Variants in PDZRN4 observed in about 807,000 individuals in gnomAD.
The protein encoded by PDZRN4 is PDZ domain containing ring finger 4.
Under a neutral mutation model 99.0 loss-of-function variants are expected in PDZRN4, and 70 were observed. The ratio of observed to expected loss-of-function variants is 0.71; its 90% CI spans 0.58 to 0.86. The LOEUF (loss-of-function observed/expected upper bound fraction) is 0.86. PDZRN4 is among the 40% of genes least tolerant of loss of function. The pLI, the probability that PDZRN4 is intolerant of heterozygous loss-of-function variation, is 0.00. For missense variants in PDZRN4, 1,474 were observed against 1,331.2 expected, an observed-to-expected ratio of 1.11 and a Z score of -1.67; for synonymous variants, 551 against 501.6, an observed-to-expected ratio of 1.10 and a Z score of -1.32.
At chr12:41,495,487 G>T (rs1368650728) in intron 3 of PDZRN4, among the ~76,000 whole-genome samples, 1 of 151,992 alleles carries the variant, frequency 6.6e-6, no homozygotes, top group Admixed American at 6.6e-5. Flanking sequence ...GCAGCATCAG[G>T]ATACCATTTT....
intron 3 of PDZRN4, among the ~76,000 whole-genome samples, chr12:41,240,346 C>T (rs1164771027): frequency 2.0e-5 from 3 of 152,020 alleles, no homozygotes; most frequent in African/African-American, 2.4e-5. Context: ...CACACAAGGC[C>T]CTGTCTCAAA....
At chr12:41,466,829 A>T (rs532844488) in intron 3 of PDZRN4, among the ~76,000 whole-genome samples, 1 of 149,426 alleles carries the variant, frequency 6.7e-6, no homozygotes, top group South Asian at 2.1e-4. Context: ...TGCACCATGA[A>T]CCATGCTGAG....
intron 8 of PDZRN4, among the ~76,000 whole-genome samples, chr12:41,564,353 T>C (rs1184641433): frequency 6.6e-6 from 1 of 151,734 alleles, no homozygotes; most frequent in Non-Finnish European, 1.5e-5. Flanking sequence ...GTAAAGGTAA[T>C]GGAAAAAAAG....
intron 3 of PDZRN4, among the ~76,000 whole-genome samples, chr12:41,302,280 A>G (rs1951541378): frequency 1.3e-5 from 2 of 152,078 alleles, no homozygotes; most frequent in South Asian, 4.1e-4. Flanking sequence ...ACATTATTAT[A>G]TATTTTATTA....
At chr12:41,453,542 G>A (rs937931327) in intron 3 of PDZRN4, among the ~76,000 whole-genome samples, 1 of 152,192 alleles carries the variant, frequency 6.6e-6, no homozygotes, top group Non-Finnish European at 1.5e-5. Flanking sequence ...ACCAAATCAT[G>A]TAGCAACATA....
intron 3 of PDZRN4, among the ~76,000 whole-genome samples, chr12:41,367,888 A>G (rs975684229): frequency 6.6e-6 from 1 of 152,152 alleles, no homozygotes; most frequent in Non-Finnish European, 1.5e-5. Context: ...ATTCTTTGAG[A>G]GAAATGTCTT....
chr12:41,198,338 C>G (rs1162655955), intron 3 of PDZRN4, among the ~76,000 whole-genome samples: 1 of 151,964 alleles, frequency 6.6e-6, no homozygotes, highest in Non-Finnish European at 1.5e-5. Context: ...CTCCCCTAAC[C>G]CCTGCAGCTC....
chr12:41,573,671 G>A lies in PDZRN4; in HGVS notation c.2892G>A (p.Met964Ile), dbSNP rs773643558. The A allele has an allele frequency of 6.2e-7, 1 of 1,614,088 alleles. No homozygotes were observed. The highest frequency in any genetic ancestry group is 1.1e-5 in the South Asian group (1 of 91,086). Residue 964 changes from methionine to isoleucine, a missense_variant, in exon 10 of 10, where the codon ATG becomes ATA. Physicochemically the swap from Met to Ile is conservative, Grantham distance 10. Transcript: ENST00000402685. ...KEQRRRREFM[M>I]RSRLECLKES... ...AGCGCCGTCGCCGTGAGTTCATGAT[G>A]CGAAGCAGGTTAGAGTGTCTCAAGG...
intron 3 of PDZRN4, among the ~76,000 whole-genome samples, chr12:41,471,936 G>T (rs923426563): frequency 6.6e-6 from 1 of 151,222 alleles, no homozygotes; most frequent in Admixed American, 6.6e-5. Flanking sequence ...GGTGGCAAAT[G>T]ATATCAATCA....
At chr12:41,467,095 A>T (rs2120554386) in intron 3 of PDZRN4, among the ~76,000 whole-genome samples, 1 of 152,382 alleles carries the variant, frequency 6.6e-6, no homozygotes, top group African/African-American at 2.4e-5. Flanking sequence ...CATTTGCATT[A>T]CAGCGCAAAA....
chr12:41,407,102 T>C (rs962654076), intron 3 of PDZRN4, among the ~76,000 whole-genome samples: 2 of 152,192 alleles, frequency 1.3e-5, no homozygotes, highest in Non-Finnish European at 2.9e-5. Context: ...CCTTATGCTC[T>C]CAGAACTATT....
chr12:41,304,327 T>C (rs1262137663), intron 3 of PDZRN4, among the ~76,000 whole-genome samples: 2 of 152,192 alleles, frequency 1.3e-5, no homozygotes, highest in Non-Finnish European at 2.9e-5. Flanking sequence ...AATCCATTTC[T>C]TCCTTGACTT....
At chr12:41,190,290 T>A (rs1177917585) in intron 1 of PDZRN4, among the ~76,000 whole-genome samples, 1 of 152,212 alleles carries the variant, frequency 6.6e-6, no homozygotes, top group African/African-American at 2.4e-5. Context: ...ACGTTGTGTA[T>A]TAAACGACCG....
At chr12:41,494,671 G>C (rs1411279147) in intron 3 of PDZRN4, among the ~76,000 whole-genome samples, 1 of 152,002 alleles carries the variant, frequency 6.6e-6, no homozygotes, top group Non-Finnish European at 1.5e-5. Flanking sequence ...ATTTGAGAAA[G>C]TTAAGGGCAT....
intron 3 of PDZRN4, among the ~76,000 whole-genome samples, chr12:41,351,608 C>G (rs1433561904): frequency 1.3e-5 from 2 of 151,950 alleles, no homozygotes; most frequent in Non-Finnish European, 2.9e-5. Context: ...GTGCTACACA[C>G]TTTCAAACAA....
At chr12:41,239,283 C>T (rs746872478) in intron 3 of PDZRN4, among the ~76,000 whole-genome samples, 14 of 152,018 alleles carry the variant, frequency 9.2e-5, no homozygotes, top group Admixed American at 2.6e-4. Flanking sequence ...TGGACACATG[C>T]GGGCTGAACC....
intron 3 of PDZRN4, among the ~76,000 whole-genome samples, chr12:41,337,162 T>G (rs2121006719): frequency 6.6e-6 from 1 of 152,238 alleles, no homozygotes; most frequent in East Asian, 1.9e-4. Flanking sequence ...CACCCAAGAA[T>G]GAACAAGGAC....
At chr12:41,467,465 A>G (rs1486283142) in intron 3 of PDZRN4, among the ~76,000 whole-genome samples, 3 of 152,154 alleles carry the variant, frequency 2.0e-5, no homozygotes, top group Admixed American at 6.5e-5. Context: ...ACCTCACTTT[A>G]TTCCTATCCT....
At chr12:41,273,640 A>T (rs1364634595) in intron 3 of PDZRN4, among the ~76,000 whole-genome samples, 3 of 152,096 alleles carry the variant, frequency 2.0e-5, no homozygotes, top group Non-Finnish European at 4.4e-5. Flanking sequence ...GAAGTGTTTC[A>T]TTAAAGAAAA....
Sources: gnomAD v4.1 joint callset for allele counts (sites outside exome capture counted in the v4.1 genomes callset) on GRCh38, gnomAD v4.1.1 for gene constraint, MANE v1.5 for transcripts, NCBI Gene and HGNC (gene_info 2026-07-23, HGNC 2026-07-21) for gene names.